The following LZTFL1 variants were observed in gnomAD, a reference collection of about 807,000 sequenced individuals.
LZTFL1 encodes leucine zipper transcription factor-like protein 1.
In LZTFL1, 25 loss-of-function variants were observed where a neutral mutation model predicts 45.9. The observed-to-expected ratio is 0.54, with a 90% confidence interval of 0.40 to 0.76. The LOEUF is 0.76. LZTFL1 is among the 30% of genes least tolerant of loss of function. LZTFL1 has a pLI of 0.00. For missense variants in LZTFL1, 277 were observed against 331.1 expected (o/e 0.84, Z 1.27); for synonymous variants, 93 against 117.4 (o/e 0.79, Z 1.35).
intron 1 of LZTFL1, chr3:45,841,788 A>G: frequency 1.5e-6 from 1 of 646,700 alleles, no homozygotes; most frequent in Non-Finnish European, 2.6e-6. Context: ...AAAAGGCTTC[A>G]CCCAGGATTA....
At chr3:45,835,517 C>A in intron 3 of LZTFL1, 73 bp downstream of exon 3, 2 of 1,439,908 alleles carry the variant, frequency 1.4e-6, no homozygotes, top group Non-Finnish European at 9.7e-7. Flanking sequence ...AATATGCAGC[C>A]AAAGATGTTC....
At chr3:45,868,212 AT>A (rs921868384) in intron 2 of LZTFL1, among the ~76,000 whole-genome samples, 1 of 147,662 alleles carries the variant, frequency 6.8e-6, no homozygotes, top group African/African-American at 2.5e-5. Context: ...AAGTATTTTA[AT>A]TTTTTTGCAA....
chr3:45,890,790 G>C (rs542331508), intron 2 of LZTFL1, among the ~76,000 whole-genome samples: 5 of 152,312 alleles, frequency 3.3e-5, no homozygotes, highest in African/African-American at 9.6e-5. Context: ...GTTAGAAGCA[G>C]GTGAATTGCC....
chr3:45,829,205 T>C (rs1700748850), intron 7 of LZTFL1, among the ~76,000 whole-genome samples: 1 of 152,222 alleles, frequency 6.6e-6, no homozygotes, highest in South Asian at 2.1e-4. Context: ...CTGGATCTTC[T>C]CTCTTCCTGG....
intron 1 of LZTFL1, chr3:45,913,278 G>T: frequency 1.2e-6 from 1 of 851,890 alleles, no homozygotes; most frequent in African/African-American, 1.7e-5. Context: ...TTTTCATGAG[G>T]ACCTGCCACA....
In LZTFL1 at chr3:45,835,771, T is replaced by C. The variant is rs749000054; in HGVS notation, c.142A>G (p.Thr48Ala). 1.2e-6 allele frequency: 2 copies of C among 1,607,338 alleles called. No homozygotes were observed. Among genetic ancestry groups the C allele is most frequent in the South Asian group, 2.2e-5 (2 of 90,336 alleles). Residue 48 changes from threonine (T) to alanine (A), a missense_variant, in exon 3 of 10, where the codon ACC becomes GCC. By Grantham distance (58) the Thr-to-Ala change is moderately conservative. Coordinates refer to ENST00000296135, the MANE Select transcript of LZTFL1 (RefSeq NM_020347.4). ...DLKESRLVED[T>A]FTIDEVSEVL... Reference sequence around the variant, plus strand: ...TCAGAGACTTCATCTATGGTGAAGGTGTCCTCCACCAGCCTGAAAAACAAC... The same window carrying C: ...TCAGAGACTTCATCTATGGTGAAGGCGTCCTCCACCAGCCTGAAAAACAAC...
intron 3 of LZTFL1, chr3:45,835,129 T>G (rs1274259939): frequency 6.6e-6 from 1 of 152,548 alleles, no homozygotes; most frequent in East Asian, 1.9e-4. Context: ...AGCTTTTTTG[T>G]ATATTTCCTA....
At chr3:45,909,419 G>A (rs75442536) in intron 2 of LZTFL1, among the ~76,000 whole-genome samples, 6,707 of 152,136 alleles carry the variant, frequency 0.044, 177 homozygotes, top group Middle Eastern at 0.1. Context: ...GTCCATTTTT[G>A]GTTTCAGCTA....
rs141486114 is a variant in LZTFL1 at position 45,899,794 on chromosome 3, C to T, written c.-215+13326G>A. Among the ~76,000 whole-genome samples, 67 of 152,284 alleles carry T rather than the reference C, an allele frequency of 4.4e-4. No individual in the cohort carries two copies. In the East Asian group the frequency reaches 0.011, roughly 25 times the overall value. The stretch of plus-strand genomic sequence containing the variant: ...CAGCAGTCCACATCCTTCATTACCT[C>T]CCACCCCAGGTTTGACTCAAGGGCT... On this transcript the variant is annotated intron_variant, in intron 2 of 4. Transcript: ENST00000472635.
intron 2 of LZTFL1, among the ~76,000 whole-genome samples, chr3:45,885,885 T>C (rs1477838186): frequency 6.6e-6 from 1 of 152,020 alleles, no homozygotes; most frequent in Non-Finnish European, 1.5e-5. Context: ...CCTAATTGTT[T>C]TTGTGTGTTT....
In LZTFL1 at chr3:45,841,305, G is replaced by A. The variant is rs537814858; in HGVS notation, c.3+684C>T. On this transcript the variant is annotated intron_variant, in intron 1 of 9. Transcript: ENST00000296135. ...TTCATCCGTTTTCCTGAACATTTCA[G>A]TGCTGTGCACTGTTCTAAGTATGAC... Among the ~76,000 whole-genome samples, 4 of 152,340 alleles carry A rather than the reference G, an allele frequency of 2.6e-5. No individual in the cohort carries two copies. The East Asian group carries it at 7.7e-4, about 29-fold the overall frequency.
chr3:45,833,043 ATAT>A lies in LZTFL1; in HGVS notation c.456+4_456+6del, dbSNP rs1377314700. 1 of 1,605,148 alleles carries A rather than the reference ATAT, an allele frequency of 6.2e-7. No individual in the cohort carries two copies. The highest frequency in any genetic ancestry group is 8.5e-7 in the Non-Finnish European group (1 of 1,172,240). On this transcript the variant is annotated splice_donor_5th_base_variant and intron_variant, in intron 5 of 9. Transcript: ENST00000296135. ...AGACTTTCCGTTTCTCAAAATAATA[ATAT>A]TACCTTGTTTAGGAGTTCTGCTGTT...
At chr3:45,852,590 T>C (rs996687270) in intron 4 of LZTFL1, among the ~76,000 whole-genome samples, 1 of 152,204 alleles carries the variant, frequency 6.6e-6, no homozygotes, top group African/African-American at 2.4e-5. Flanking sequence ...AGATCCCATT[T>C]TTATAAACAC....
At chr3:45,867,861 G>A (rs1384662796) in intron 2 of LZTFL1, among the ~76,000 whole-genome samples, 1 of 152,004 alleles carries the variant, frequency 6.6e-6, no homozygotes, top group African/African-American at 2.4e-5. Flanking sequence ...CAACGACAAC[G>A]AACAAGAAAA....
intron 2 of LZTFL1, among the ~76,000 whole-genome samples, chr3:45,912,189 G>A (rs1459388190): frequency 6.6e-6 from 1 of 152,244 alleles, no homozygotes; most frequent in Admixed American, 6.5e-5. Flanking sequence ...TGGCCATGAA[G>A]ATTGTTGCGT....
chr3:45,876,128 G>C (rs897723377), intron 2 of LZTFL1, among the ~76,000 whole-genome samples: 1 of 152,200 alleles, frequency 6.6e-6, no homozygotes, highest in Non-Finnish European at 1.5e-5. Flanking sequence ...CCATTCATTT[G>C]CTTTCTCTTT....
In LZTFL1 at chr3:45,839,903, A is replaced by G. The variant is rs956266319; in HGVS notation, c.4-1852T>C. ...GCCATCTCCCAATATGCCCTCAGTA[A>G]CTCTATAGGTATGCCTTCCTCCAAA... On this transcript the variant is annotated intron_variant, in intron 1 of 9. Coordinates refer to ENST00000296135, the MANE Select transcript of LZTFL1 (RefSeq NM_020347.4). Among the ~76,000 whole-genome samples the G allele has an allele frequency of 2.6e-5, 4 of 152,146 alleles. No individual in the cohort carries two copies. The East Asian group carries it at 7.7e-4, about 29-fold the overall frequency.
chr3:45,841,882 G>T, intron 1 of LZTFL1, 107 bp downstream of exon 1: 1 of 1,434,118 alleles, frequency 7.0e-7, no homozygotes, highest in Non-Finnish European at 9.6e-7. Flanking sequence ...GGTGCGGCCA[G>T]ACCCAACGAG....
intron 2 of LZTFL1, among the ~76,000 whole-genome samples, chr3:45,912,641 G>A (rs1309072610): frequency 6.6e-6 from 1 of 152,184 alleles, no homozygotes; most frequent in African/African-American, 2.4e-5. Flanking sequence ...AGCCTAGCCA[G>A]CCTTTCTTTG....
Sources: allele counts gnomAD v4.1 joint callset (sites outside exome capture counted in the v4.1 genomes callset), GRCh38; gene constraint gnomAD v4.1.1; transcripts MANE v1.5; gene names NCBI Gene and HGNC (gene_info 2026-07-23, HGNC 2026-07-21).